SMG6: variants seen among roughly 807,000 people sequenced by gnomAD.
The protein encoded by SMG6 is SMG6 nonsense mediated mRNA decay factor, also known as telomerase-binding protein EST1A.
A neutral mutation model predicts 142.2 loss-of-function variants in SMG6; 66 were observed. That is an observed-to-expected ratio of 0.46 (90% CI 0.38 to 0.57). SMG6 has a LOEUF of 0.57. Ranked by LOEUF, SMG6 falls within the 20% of genes least tolerant of loss-of-function variation. The probability of loss-of-function intolerance (pLI) is 0.00; values close to 1 mark genes in which losing one functional copy is unlikely to be tolerated. For synonymous variants in SMG6, 779 were observed against 702.4 expected (o/e 1.11, Z -1.72); for missense variants, 1,793 against 1,832.0 (o/e 0.98, Z 0.39).
chr17:2,291,849 T>C (rs1456750679), intron 6 of SMG6, among the ~76,000 whole-genome samples: 2 of 74,786 alleles, frequency 2.7e-5, no homozygotes, highest in South Asian at 4.9e-4. Flanking sequence ...ACCCTGCCTC[T>C]CTTAAAAAAA....
intron 4 of SMG6, among the ~76,000 whole-genome samples, chr17:2,295,988 C>T (rs948865815): frequency 6.6e-6 from 1 of 152,102 alleles, no homozygotes; most frequent in African/African-American, 2.4e-5. Context: ...TCTCCACGAC[C>T]TCTATCTTAG....
intron 13 of SMG6, among the ~76,000 whole-genome samples, chr17:2,110,060 C>T (rs555307698): frequency 8.1e-5 from 11 of 136,300 alleles, no homozygotes; most frequent in African/African-American, 2.4e-4. Context: ...CCAGTATGGG[C>T]GACAGAGTGA....
At position 2,277,169 on chromosome 17, in the gene SMG6, T is replaced by A. The variant is rs7212606; in HGVS notation, c.2661+5478A>T. On this transcript the variant is annotated intron_variant, in intron 8 of 18. Coordinates refer to ENST00000263073, the MANE Select transcript of SMG6 (RefSeq NM_017575.5). Reference sequence around the variant, plus strand: ...TATTTATTTATTTATTTATTTATTTTTTATTTTTTTTTTTTTTGAGACAGA... The same window carrying A: ...TATTTATTTATTTATTTATTTATTTATTATTTTTTTTTTTTTTGAGACAGA... Among the ~76,000 whole-genome samples, 445 of 53,426 alleles carry A rather than the reference T, an allele frequency of 8.3e-3. 2 individuals carry two copies. The highest frequency in any genetic ancestry group is 0.016 in the South Asian group (28 of 1,774). 35.0% of individuals were successfully genotyped at this position (53,426 alleles called of 152,430 possible).
chr17:2,084,334 T>C (rs1185243374), intron 14 of SMG6, among the ~76,000 whole-genome samples: 1 of 152,186 alleles, frequency 6.6e-6, no homozygotes, highest in Admixed American at 6.5e-5. Context: ...AAGCCTGCTG[T>C]CCCCTCCCAT....
chr17:2,135,444 T>C (rs1439680032), intron 13 of SMG6, among the ~76,000 whole-genome samples: 2 of 152,118 alleles, frequency 1.3e-5, no homozygotes, highest in Non-Finnish European at 2.9e-5. Context: ...CTCTGTATCC[T>C]TTGCCCAACG....
chr17:2,203,550 A>G (rs957765497), intron 10 of SMG6, among the ~76,000 whole-genome samples: 1 of 152,244 alleles, frequency 6.6e-6, no homozygotes, highest in African/African-American at 2.4e-5. Context: ...TAATTAAACA[A>G]GACAGGTAGT....
intron 13 of SMG6, among the ~76,000 whole-genome samples, chr17:2,099,912 G>A (rs150967324): frequency 1.3e-5 from 2 of 152,232 alleles, no homozygotes; most frequent in Non-Finnish European, 1.5e-5. Context: ...GCCCAGGCTG[G>A]AGTGCAGTGG....
chr17:2,299,321 C>T lies in SMG6; in HGVS notation c.1432G>A (p.Asp478Asn). 1 of 1,614,032 alleles carries T rather than the reference C, an allele frequency of 6.2e-7. No homozygotes were observed. ...KTQTPQLHFL[D>N]TDDEVSPTSW... is the part of the protein sequence containing the mutation. ...GTAGGGCTGACTTCATCATCAGTGT[C>T]CAAGAAATGTAGCTGGGGCGTCTGA... The change falls in exon 2 of 19, where the codon GAC becomes AAC. Residue 478 changes from aspartate to asparagine, a missense_variant. By Grantham distance (23) the Asp-to-Asn change is conservative (BLOSUM62 1). Coordinates refer to ENST00000263073, the MANE Select transcript of SMG6 (RefSeq NM_017575.5). The surrounding 1 kb of genome is among the most constrained non-coding windows in gnomAD (Gnocchi z 4.3).
chr17:2,227,070 T>C (rs2073341153), intron 10 of SMG6, among the ~76,000 whole-genome samples: 1 of 151,994 alleles, frequency 6.6e-6, no homozygotes, highest in African/African-American at 2.4e-5. Flanking sequence ...TAAAAAGAAA[T>C]GACAATACCA....
At chr17:2,211,416 G>A (rs909911666) in intron 10 of SMG6, among the ~76,000 whole-genome samples, 10 of 152,144 alleles carry the variant, frequency 6.6e-5, no homozygotes, top group Non-Finnish European at 1.0e-4. Context: ...TGTAATCCCA[G>A]CACTTTGGGA....
In SMG6 at chr17:2,061,301, G is replaced by A. The variant is rs1309996410; in HGVS notation, c.*191C>T. ...GCCCAGGAGGGTCCCAGCAGCTTCCGCCCGATCCTTGGGAGGGGCTCTGTG... is the reference window on the plus strand; with the variant it reads ...GCCCAGGAGGGTCCCAGCAGCTTCCACCCGATCCTTGGGAGGGGCTCTGTG... On this transcript the variant is annotated 3_prime_UTR_variant, in exon 19 of 19. Coordinates refer to ENST00000263073, the MANE Select transcript of SMG6 (RefSeq NM_017575.5). 8 of 597,152 alleles carry A rather than the reference G, an allele frequency of 1.3e-5. No homozygotes were observed. The highest frequency in any genetic ancestry group is 2.0e-5 in the Non-Finnish European group (7 of 348,366). The allele number at this position is 597,152 out of a possible 1,614,324, so 37.0% of individuals were successfully genotyped here.
intron 15 of SMG6, among the ~76,000 whole-genome samples, chr17:2,070,854 G>A (rs1369176363): frequency 1.3e-5 from 2 of 152,200 alleles, no homozygotes; most frequent in Non-Finnish European, 2.9e-5. Flanking sequence ...CACCTAGAGG[G>A]TGACAGGCAT....
At chr17:2,195,659 C>T (rs558386840) in intron 10 of SMG6, among the ~76,000 whole-genome samples, 1 of 152,174 alleles carries the variant, frequency 6.6e-6, no homozygotes, top group Non-Finnish European at 1.5e-5. Context: ...GACATAATAA[C>T]TAAGACATTT....
At chr17:2,200,378 C>T (rs894620757) in intron 10 of SMG6, among the ~76,000 whole-genome samples, 1 of 151,876 alleles carries the variant, frequency 6.6e-6, no homozygotes, top group Non-Finnish European at 1.5e-5. Flanking sequence ...TTTAATTATA[C>T]TCTAAGTTCC....
chr17:2,128,407 T>C (rs2069976628), intron 13 of SMG6, among the ~76,000 whole-genome samples: 1 of 152,212 alleles, frequency 6.6e-6, no homozygotes, highest in African/African-American at 2.4e-5. Flanking sequence ...CGGTGTCAAG[T>C]AGAACACTTT....
rs1282667537 is a variant in SMG6 at position 2,086,486 on chromosome 17, G to A, written c.3358-585C>T. On this transcript the variant is annotated intron_variant, in intron 13 of 18. Transcript: ENST00000263073. ...CTCATGCTCAAGAGACTAGAGTCAGGCAGGAAATTGTCAGGAGAGAGACAG... is the reference window on the plus strand; with the variant it reads ...CTCATGCTCAAGAGACTAGAGTCAGACAGGAAATTGTCAGGAGAGAGACAG... Among the ~76,000 whole-genome samples the A allele has an allele frequency of 2.0e-5, 3 of 152,204 alleles. No individual in the cohort carries two copies. In the East Asian group the frequency reaches 5.8e-4, roughly 29 times the overall value.
intron 9 of SMG6, among the ~76,000 whole-genome samples, chr17:2,243,410 G>A (rs1433047695): frequency 6.6e-6 from 1 of 152,218 alleles, no homozygotes; most frequent in Non-Finnish European, 1.5e-5. Context: ...GCCGGGCGTG[G>A]TGGTTCACGG....
rs1230261151 is a variant in SMG6, at chr17:2,299,556, T to C, written c.1197A>G (p.Gln399=). 5 of 1,614,152 alleles carry C rather than the reference T, an allele frequency of 3.1e-6. No homozygotes were observed. The East Asian group carries it at 1.1e-4, about 36-fold the overall frequency. ...SEKQESKNPK[Q]ELRGRGRGIL... ...TGCCACGACCACGACCCCGAAGTTC[T>C]TGTTTCGGGTTTTTGGACTCCTGCT... Residue 399 remains glutamine (Q), a synonymous_variant, in exon 2 of 19, where the codon CAA becomes CAG. Coordinates refer to ENST00000263073, the MANE Select transcript of SMG6 (RefSeq NM_017575.5). The surrounding 1 kb of genome is among the most constrained non-coding windows in gnomAD (Gnocchi z 4.3).
chr17:2,098,831 A>G (rs2068928898), intron 13 of SMG6, among the ~76,000 whole-genome samples: 1 of 151,774 alleles, frequency 6.6e-6, no homozygotes, highest in Admixed American at 6.6e-5. Flanking sequence ...GAGCTTCCCC[A>G]TGTTGGTCAG....
Sources: gnomAD v4.1 joint callset for allele counts (sites outside exome capture counted in the v4.1 genomes callset) on GRCh38, gnomAD v4.1.1 for gene constraint, Gnocchi (gnomAD v3.1) non-coding constraint, MANE v1.5 for transcripts, NCBI Gene and HGNC (gene_info 2026-07-23, HGNC 2026-07-21) for gene names.